The following ADAMTSL3 variants were observed in gnomAD, a reference collection of about 807,000 sequenced individuals.
ADAMTSL3 encodes ADAMTS like 3, also known as ADAMTS-like protein 3.
ADAMTSL3 carries 128 observed loss-of-function variants against 201.7 expected under a neutral mutation model. That is an observed-to-expected ratio of 0.63 (90% CI 0.55 to 0.73). The LOEUF (loss-of-function observed/expected upper bound fraction) is 0.73, where lower values mean the gene tolerates loss of function less well. ADAMTSL3 is among the 30% of genes least tolerant of loss of function. The probability of loss-of-function intolerance (pLI) is 0.00; values close to 1 mark genes in which losing one functional copy is unlikely to be tolerated. For missense variants in ADAMTSL3, 1,990 were observed against 2,119.6 expected (o/e 0.94, Z 1.20); for synonymous variants, 738 against 748.4 (o/e 0.99, Z 0.23).
At chr15:83,702,874 C>T (rs1348715809) in intron 2 of ADAMTSL3, among the ~76,000 whole-genome samples, 1 of 152,170 alleles carries the variant, frequency 6.6e-6, no homozygotes, top group East Asian at 1.9e-4. Flanking sequence ...TACTGTCCTC[C>T]AGACCCCAGA....
rs1040727402 is a variant in ADAMTSL3 at position 83,913,436 on chromosome 15, A to G, written c.1987+58A>G. 62 of 1,560,546 alleles carry G rather than the reference A, an allele frequency of 4.0e-5. 3 individuals carry two copies. In the South Asian group the frequency reaches 6.9e-4, roughly 17 times the overall value. On this transcript the variant is annotated intron_variant, in intron 16 of 29. Transcript: ENST00000286744. Reference sequence around the variant, plus strand: ...TTGTGTGTTGCTAGTGGTTTGAGAAATTACTCAATCAGGTAAGCCAAATAT... The same window carrying G: ...TTGTGTGTTGCTAGTGGTTTGAGAAGTTACTCAATCAGGTAAGCCAAATAT...
At chr15:83,697,706 A>T (rs980975963) in intron 2 of ADAMTSL3, among the ~76,000 whole-genome samples, 21 of 152,158 alleles carry the variant, frequency 1.4e-4, no homozygotes, top group Non-Finnish European at 2.5e-4. Context: ...AGGCACACAG[A>T]TATGTTCACC....
chr15:83,853,312 T>C (rs1167260489), intron 7 of ADAMTSL3, among the ~76,000 whole-genome samples: 1 of 152,190 alleles, frequency 6.6e-6, no homozygotes, highest in African/African-American at 2.4e-5. Context: ...TGATTTCCAA[T>C]GTTTAGACTA....
intron 4 of ADAMTSL3, among the ~76,000 whole-genome samples, chr15:83,792,118 C>T (rs1357506080): frequency 3.3e-5 from 5 of 152,078 alleles, no homozygotes; most frequent in Non-Finnish European, 7.4e-5. Flanking sequence ...GCAAGCTATG[C>T]ATCTGCCATG....
intron 17 of ADAMTSL3, among the ~76,000 whole-genome samples, chr15:83,938,981 G>GT (rs948893524): frequency 1.1e-4 from 17 of 152,208 alleles, no homozygotes; most frequent in African/African-American, 2.6e-4. Flanking sequence ...AATTAAAAAT[G>GT]TTTTTTATCA....
At chr15:84,027,023 C>CAA (rs1306248588) in intron 27 of ADAMTSL3, among the ~76,000 whole-genome samples, 1 of 152,018 alleles carries the variant, frequency 6.6e-6, no homozygotes, top group East Asian at 1.9e-4. Flanking sequence ...AATTGTATAT[C>CAA]AAAAAGGAGA....
At chr15:83,862,190 A>G (rs2064878126) in intron 8 of ADAMTSL3, 1 of 152,242 alleles carries the variant, frequency 6.6e-6, no homozygotes, top group African/African-American at 2.4e-5. Flanking sequence ...GTTGGAAAAC[A>G]CTCTGCAGGG....
At chr15:83,830,463 A>C (rs2064133088) in intron 6 of ADAMTSL3, among the ~76,000 whole-genome samples, 1 of 152,200 alleles carries the variant, frequency 6.6e-6, no homozygotes, top group South Asian at 2.1e-4. Context: ...GTGAGCATTT[A>C]AGAAGGCCGG....
At chr15:83,973,662 C>CT (rs1383664803) in intron 20 of ADAMTSL3, among the ~76,000 whole-genome samples, 1 of 152,172 alleles carries the variant, frequency 6.6e-6, no homozygotes, top group Non-Finnish European at 1.5e-5. Context: ...ACCCATTTCT[C>CT]TATCAATGAA....
chr15:83,886,120 C>T lies in ADAMTSL3; in HGVS notation c.1072+908C>T, dbSNP rs575821418. On this transcript the variant is annotated intron_variant, in intron 10 of 29. Transcript: ENST00000286744. ...TACAAAAGCAGCATCTTTCATGCTC[C>T]GGTGGAAGATAATTGTCCATTTGAT... Among the ~76,000 whole-genome samples the T allele has an allele frequency of 1.3e-4, 20 of 152,262 alleles. 1 individual carries two copies. The Middle Eastern group carries it at 0.017, about 129-fold the overall frequency.
chr15:83,752,651 A>G (rs930109168), intron 3 of ADAMTSL3, among the ~76,000 whole-genome samples: 1 of 152,232 alleles, frequency 6.6e-6, no homozygotes, highest in African/African-American at 2.4e-5. Flanking sequence ...AATATCTAAT[A>G]TAGTAGCCAG....
At chr15:83,730,725 T>G (rs748011907) in intron 3 of ADAMTSL3, among the ~76,000 whole-genome samples, 3 of 152,128 alleles carry the variant, frequency 2.0e-5, no homozygotes, top group African/African-American at 7.2e-5. Flanking sequence ...ATATGTAGGT[T>G]TCCTTTTCAT....
intron 17 of ADAMTSL3, among the ~76,000 whole-genome samples, chr15:83,941,275 A>T (rs1455452382): frequency 6.6e-6 from 1 of 151,852 alleles, no homozygotes; most frequent in Non-Finnish European, 1.5e-5. Context: ...TACAAGTAGG[A>T]GGTGTTTATA....
chr15:83,978,238 G>C (rs180903115), intron 20 of ADAMTSL3, among the ~76,000 whole-genome samples: 1 of 152,346 alleles, frequency 6.6e-6, no homozygotes, highest in Non-Finnish European at 1.5e-5. Context: ...AGTAAGCAAG[G>C]AGCTGAGGTC....
chr15:84,016,704 T>C (rs1433478437), intron 25 of ADAMTSL3, among the ~76,000 whole-genome samples: 1 of 152,216 alleles, frequency 6.6e-6, no homozygotes, highest in African/African-American at 2.4e-5. Flanking sequence ...AATCCACTCC[T>C]GAGGAAGCCT....
At chr15:83,798,808 A>T (rs2063472607) in intron 4 of ADAMTSL3, among the ~76,000 whole-genome samples, 1 of 71,386 alleles carries the variant, frequency 1.4e-5, no homozygotes, top group Admixed American at 1.3e-4. Context: ...CTCCGTCTCA[A>T]AAAAAAAAAA....
Position 83,981,967 on chromosome 15 carries a change from C to T in ADAMTSL3, c.2645-306C>T, listed in dbSNP as rs370418320. Among the ~76,000 whole-genome samples, 14 of 152,246 alleles carry T rather than the reference C, an allele frequency of 9.2e-5. 1 individual carries two copies. The East Asian group carries it at 9.6e-4, about 10-fold the overall frequency. On this transcript the variant is annotated intron_variant, in intron 20 of 29. Transcript: ENST00000286744. ...TCCTCAAATCTAGAAATAACTATTC[C>T]CTACATTTCACCAAATCATTTAACC... is the stretch of plus-strand genomic sequence containing the variant.
intron 3 of ADAMTSL3, among the ~76,000 whole-genome samples, chr15:83,756,511 G>T (rs1946367): frequency 0.83 from 125,809 of 151,898 alleles, 52,474 homozygotes; most frequent in East Asian, 0.96. Context: ...TTACCTCCAC[G>T]GGGTCCCTCC....
intron 23 of ADAMTSL3, among the ~76,000 whole-genome samples, chr15:83,999,583 A>G (rs1444328759): frequency 6.6e-6 from 1 of 152,190 alleles, no homozygotes; most frequent in East Asian, 1.9e-4. Flanking sequence ...GGTAGGTAGA[A>G]GTTACAGTTT....
Sources: gnomAD v4.1 joint callset for allele counts (sites outside exome capture counted in the v4.1 genomes callset) on GRCh38, gnomAD v4.1.1 for gene constraint, MANE v1.5 for transcripts, NCBI Gene and HGNC (gene_info 2026-07-23, HGNC 2026-07-21) for gene names.